Variants in ADAMTS19 observed in about 807,000 individuals in gnomAD.
ADAMTS19 encodes A disintegrin and metalloproteinase with thrombospondin motifs 19.
In ADAMTS19, 93 loss-of-function variants were observed where a neutral mutation model predicts 153.3. That is an observed-to-expected ratio of 0.61 (90% CI 0.51 to 0.72). The LOEUF is 0.72. Ranked by LOEUF, ADAMTS19 falls within the 30% of genes least tolerant of loss-of-function variation. The probability of loss-of-function intolerance (pLI) is 0.00; values close to 1 mark genes in which losing one functional copy is unlikely to be tolerated. For synonymous variants in ADAMTS19, 600 were observed against 556.6 expected (o/e 1.08, Z -1.10); for missense variants, 1,482 against 1,552.1 (o/e 0.95, Z 0.76).
chr5:129,605,788 G>A (rs964172771), intron 8 of ADAMTS19, among the ~76,000 whole-genome samples: 3 of 152,108 alleles, frequency 2.0e-5, no homozygotes, highest in Admixed American at 1.3e-4. Flanking sequence ...GAAAGAGACT[G>A]CATTAAACAT....
At chr5:129,548,564 T>C (rs886989800) in intron 6 of ADAMTS19, among the ~76,000 whole-genome samples, 2 of 151,416 alleles carry the variant, frequency 1.3e-5, no homozygotes, top group African/African-American at 4.9e-5. Flanking sequence ...AGGAACACTT[T>C]TACACTGTTG....
intron 2 of ADAMTS19, among the ~76,000 whole-genome samples, chr5:129,468,041 CT>C (rs1246535214): frequency 6.6e-6 from 1 of 152,160 alleles, no homozygotes; most frequent in African/African-American, 2.4e-5. Flanking sequence ...TTGCAAGGAT[CT>C]TTTGTAATCT....
At chr5:129,718,582 AAGAT>A (rs371682705) in intron 21 of ADAMTS19, among the ~76,000 whole-genome samples, 157 of 152,296 alleles carry the variant, frequency 1.0e-3, no homozygotes, top group African/African-American at 3.7e-3. Context: ...AAAAAGTTGA[AAGAT>A]AGAACTGCCA....
chr5:129,709,475 A>G (rs1356726927), intron 21 of ADAMTS19, among the ~76,000 whole-genome samples: 1 of 152,152 alleles, frequency 6.6e-6, no homozygotes, highest in Non-Finnish European at 1.5e-5. Flanking sequence ...TTGTCATAGG[A>G]ATCTGTAATA....
intron 10 of ADAMTS19, among the ~76,000 whole-genome samples, chr5:129,625,765 T>G (rs1305285085): frequency 6.6e-6 from 1 of 152,178 alleles, no homozygotes; most frequent in Non-Finnish European, 1.5e-5. Context: ...ATGGGTAGAT[T>G]GCAAAAATTT....
chr5:129,579,622 G>T (rs2126882521), intron 7 of ADAMTS19, among the ~76,000 whole-genome samples: 1 of 152,254 alleles, frequency 6.6e-6, no homozygotes, highest in African/African-American at 2.4e-5. Flanking sequence ...TGTATAAGGT[G>T]TAAGGAAGGG....
At chr5:129,691,237 G>A (rs1430015152) in intron 18 of ADAMTS19, among the ~76,000 whole-genome samples, 2 of 152,104 alleles carry the variant, frequency 1.3e-5, no homozygotes, top group Non-Finnish European at 2.9e-5. Context: ...ATTCAATAGA[G>A]ATGAATGCAT....
In ADAMTS19 at chr5:129,461,622, T is replaced by TCCCCGC; in HGVS notation, c.615_616insCGCCCC (p.Pro205_Gly206insArgPro). The TCCCCGC allele has an allele frequency of 6.3e-7, 1 of 1,591,726 alleles. No homozygotes were observed. The highest frequency in any genetic ancestry group is 8.5e-7 in the Non-Finnish European group (1 of 1,175,966). ...GCTTCGCAGTGGAACAGCGGCCAAA[T>TCCCCGC]CCCGGCCCCGGCCCCACGGGGGCAG... On this transcript the variant is annotated inframe_insertion, in exon 2 of 23. Transcript: ENST00000274487. The surrounding 1 kb of genome is among the most constrained non-coding windows in gnomAD (Gnocchi z 4.6).
At chr5:129,550,133 T>G (rs1253685369) in intron 6 of ADAMTS19, among the ~76,000 whole-genome samples, 2 of 6,888 alleles carry the variant, frequency 2.9e-4, no homozygotes, top group African/African-American at 1.2e-3. Context: ...TATCTGTATA[T>G]GTATGTATCT....
At chr5:129,570,460 C>A (rs749128117) in intron 7 of ADAMTS19, among the ~76,000 whole-genome samples, 4 of 151,502 alleles carry the variant, frequency 2.6e-5, no homozygotes, top group Non-Finnish European at 5.9e-5. Flanking sequence ...AAATCTCCAG[C>A]ACTAGGATGT....
chr5:129,696,305 T>C (rs1256777000), intron 19 of ADAMTS19, among the ~76,000 whole-genome samples: 1 of 152,100 alleles, frequency 6.6e-6, no homozygotes, highest in Non-Finnish European at 1.5e-5. Flanking sequence ...TAATCCTAGC[T>C]ACTCGGGAGG....
At chr5:129,730,405 T>G (rs535665735) in intron 21 of ADAMTS19, among the ~76,000 whole-genome samples, 1 of 152,272 alleles carries the variant, frequency 6.6e-6, no homozygotes, top group East Asian at 1.9e-4. Flanking sequence ...GAGTAAAACT[T>G]AGAAAGTTAT....
chr5:129,614,384 C>A (rs376618039), intron 8 of ADAMTS19, among the ~76,000 whole-genome samples: 1 of 151,934 alleles, frequency 6.6e-6, no homozygotes, highest in Admixed American at 6.6e-5. Context: ...GTTCAACATA[C>A]GAAAATCAAT....
Position 129,527,830 on chromosome 5 carries a change from C to T in ADAMTS19, c.1169C>T (p.Pro390Leu). 6.4e-7 allele frequency: 1 copy of T among 1,571,592 alleles called. No individual in the cohort carries two copies. Among genetic ancestry groups the T allele is most frequent in the Non-Finnish European group, 8.7e-7 (1 of 1,149,434 alleles). The change falls in exon 5 of 23, where the codon CCA (proline) becomes CTA (leucine). Residue 390 changes from proline (P) to leucine (L), a missense_variant and splice_region_variant. Around this residue, in one of 2 missense-constraint regions of ADAMTS19, gnomAD observed 866 missense variants for 827.7 expected, o/e 1.05. Coordinates refer to ENST00000274487, the MANE Select transcript of ADAMTS19 (RefSeq NM_133638.6). ...AAGCTTATTCTGCTCCATGAAACTC[C>T]AGTAAGAAAGTCTTGAGTTTTTTAT... ...VIKLILLHET[P>L]PELYIGHHGE...
At chr5:129,487,758 T>G (rs1211342948) in intron 2 of ADAMTS19, among the ~76,000 whole-genome samples, 5 of 152,146 alleles carry the variant, frequency 3.3e-5, no homozygotes, top group Admixed American at 2.6e-4. Flanking sequence ...TTTCTATACA[T>G]AATTAGTTTC....
intron 18 of ADAMTS19, among the ~76,000 whole-genome samples, chr5:129,692,144 A>G (rs1442993357): frequency 6.6e-6 from 1 of 152,178 alleles, no homozygotes; most frequent in Non-Finnish European, 1.5e-5. Flanking sequence ...GCTTTTGGCT[A>G]TCGCATCATA....
intron 10 of ADAMTS19, among the ~76,000 whole-genome samples, chr5:129,628,961 T>G (rs1351003728): frequency 6.6e-6 from 1 of 152,102 alleles, no homozygotes; most frequent in African/African-American, 2.4e-5. Flanking sequence ...TCAAAATGTA[T>G]TCCCATCATT....
chr5:129,706,423 G>A (rs1221835931), intron 21 of ADAMTS19, among the ~76,000 whole-genome samples: 1 of 152,110 alleles, frequency 6.6e-6, no homozygotes, highest in Non-Finnish European at 1.5e-5. Flanking sequence ...TACAAAATTA[G>A]CTGGGCATGG....
chr5:129,583,529 C>T (rs1270557687), intron 7 of ADAMTS19, among the ~76,000 whole-genome samples: 12 of 152,006 alleles, frequency 7.9e-5, no homozygotes, highest in Non-Finnish European at 1.3e-4. Flanking sequence ...CCATTCTCCC[C>T]GTCACTTTCA....
Sources: gnomAD v4.1 joint callset for allele counts (sites outside exome capture counted in the v4.1 genomes callset) on GRCh38, gnomAD v4.1.1 for gene constraint, gnomAD v4.1.1 regional missense constraint, Gnocchi (gnomAD v3.1) non-coding constraint, MANE v1.5 for transcripts, NCBI Gene and HGNC (gene_info 2026-07-23, HGNC 2026-07-21) for gene names.